BIRC3: variants seen among roughly 807,000 people sequenced by gnomAD.
The protein encoded by BIRC3 is baculoviral IAP repeat containing 3, also known as baculoviral IAP repeat-containing protein 3.
A neutral mutation model predicts 59.0 loss-of-function variants in BIRC3; 26 were observed. The ratio of observed to expected loss-of-function variants is 0.44; its 90% CI spans 0.32 to 0.61. The LOEUF (loss-of-function observed/expected upper bound fraction) is 0.61, where lower values mean the gene tolerates loss of function less well. Ranked by LOEUF, BIRC3 falls within the 20% of genes least tolerant of loss-of-function variation. The pLI is 0.04. For synonymous variants in BIRC3, 243 were observed against 249.2 expected, an observed-to-expected ratio of 0.98 and a Z score of 0.24; for missense variants, 641 against 711.5, an observed-to-expected ratio of 0.90 and a Z score of 1.13.
chr11:102,328,774 G>A (rs983998807), intron 4 of BIRC3, 123 bp from the exon 5 acceptor site: 4 of 297,442 alleles, frequency 1.3e-5, no homozygotes, highest in Non-Finnish European at 2.3e-5. Flanking sequence ...TTGCCAGTAA[G>A]CAAGTGGTTT....
chr11:102,336,057 A>C lies in BIRC3; in HGVS notation c.1416A>C (p.Gly472=), dbSNP rs772003746. 2.0e-5 allele frequency: 33 copies of C among 1,613,866 alleles called. No individual in the cohort carries two copies. The South Asian group carries it at 3.2e-4, about 16-fold the overall frequency. Residue 472 remains glycine, a synonymous_variant, in exon 7 of 9, where the codon GGA becomes GGC. Transcript: ENST00000263464. ...IPILDSLLTA[G]IINEQEHDVI... is the part of the protein sequence containing the mutation. ...TCCTGGATAGTCTACTAACTGCCGG[A>C]ATTATTAATGAACAAGAACATGATG...
chr11:102,326,899 G>C, intron 3 of BIRC3: 1 of 403,676 alleles, frequency 2.5e-6, no homozygotes, highest in South Asian at 1.8e-5. Context: ...GTAGAGACAG[G>C]GTTTCACCAT....
rs1423369621 is a variant in BIRC3, at chr11:102,321,137, T to A, written c.-2673-700T>A. On this transcript the variant is annotated intron_variant, in intron 1 of 8. Coordinates refer to ENST00000263464, the MANE Select transcript of BIRC3 (RefSeq NM_001165.5). The stretch of plus-strand genomic sequence containing the variant: ...CAGATTAATCTACAGCATGGTACAA[T>A]GTGAATTTTCTGGTTTCTTTAATTG... Among the ~76,000 whole-genome samples, 4 of 152,218 alleles carry A rather than the reference T, an allele frequency of 2.6e-5. No individual in the cohort carries two copies. The East Asian group carries it at 7.7e-4, about 29-fold the overall frequency.
chr11:102,336,718 A>C (rs780200735), intron 7 of BIRC3, 42 bp from the exon 8 acceptor site: 2 of 1,557,824 alleles, frequency 1.3e-6, no homozygotes, highest in Non-Finnish European at 1.8e-6. Flanking sequence ...CTAAATATTA[A>C]CCTTATTTGT....
intron 3 of BIRC3, chr11:102,326,904 C>T: frequency 5.0e-6 from 2 of 400,268 alleles, no homozygotes; most frequent in South Asian, 1.8e-5. Context: ...GACAGGGTTT[C>T]ACCATGTTGT....
chr11:102,325,115 A>G lies in BIRC3; in HGVS notation c.606A>G (p.Arg202=). The change falls in exon 2 of 9, where the codon AGA becomes AGG. Residue 202 remains arginine (R), a synonymous_variant. Transcript: ENST00000263464. The part of the protein sequence containing the change: ...AGFYYIGPGD[R]VACFACGGKL... ...TTTACTACATAGGACCTGGAGACAG[A>G]GTGGCTTGCTTTGCCTGTGGTGGAA... 1 of 1,614,218 alleles carries G rather than the reference A, an allele frequency of 6.2e-7. No homozygotes were observed. Among genetic ancestry groups the G allele is most frequent in the Non-Finnish European group, 8.5e-7 (1 of 1,180,020 alleles).
At chr11:102,327,556 C>G (rs982992577) in intron 3 of BIRC3, among the ~76,000 whole-genome samples, 1 of 152,094 alleles carries the variant, frequency 6.6e-6, no homozygotes, top group Non-Finnish European at 1.5e-5. Context: ...ACCAGAATCA[C>G]TTGAACCTGG....
rs780250677 is a variant in BIRC3 at position 102,336,162 on chromosome 11, C to A, written c.1521C>A (p.Ala507=). The A allele has an allele frequency of 6.2e-7, 1 of 1,613,738 alleles. No individual in the cohort carries two copies. Among genetic ancestry groups the A allele is most frequent in the East Asian group, 2.2e-5 (1 of 44,842 alleles). Residue 507 remains alanine, a synonymous_variant, in exon 7 of 9, where the codon GCC becomes GCA. Coordinates refer to ENST00000263464, the MANE Select transcript of BIRC3 (RefSeq NM_001165.5). The part of the protein sequence containing the change: ...DTILVKGNIA[A]TVFRNSLQEA... ...TTTTAGTAAAAGGAAATATTGCAGC[C>A]ACTGTATTCAGAAACTCTCTGCAAG...
At chr11:102,328,360 A>G (rs1214779741) in intron 4 of BIRC3, among the ~76,000 whole-genome samples, 2 of 152,242 alleles carry the variant, frequency 1.3e-5, no homozygotes, top group Admixed American at 6.5e-5. Context: ...ACAAGTTGCA[A>G]TAAATCAAAC....
intron 6 of BIRC3, among the ~76,000 whole-genome samples, chr11:102,334,892 C>T (rs111474852): frequency 1.2e-3 from 188 of 152,102 alleles, no homozygotes; most frequent in African/African-American, 4.3e-3. Flanking sequence ...TAGGTAATGG[C>T]AATATGTCTA....
chr11:102,326,111 T>A (rs1488758012), intron 3 of BIRC3, among the ~76,000 whole-genome samples: 1 of 152,222 alleles, frequency 6.6e-6, no homozygotes, highest in African/African-American at 2.4e-5. Flanking sequence ...TGATCACCTA[T>A]TGGCAGGCAT....
At chr11:102,327,984 TTA>T (rs1298712486) in intron 3 of BIRC3, 66 bp from the exon 4 acceptor site, 7 of 1,282,384 alleles carry the variant, frequency 5.5e-6, no homozygotes, top group South Asian at 2.6e-5. Flanking sequence ...GATGAGAAAT[TTA>T]TGTTATTACA....
At chr11:102,325,894 G>A (rs1265614943) in intron 3 of BIRC3, among the ~76,000 whole-genome samples, 3 of 152,062 alleles carry the variant, frequency 2.0e-5, no homozygotes, top group Non-Finnish European at 4.4e-5. Context: ...GCCTAAGGAT[G>A]AGCATGGTTA....
chr11:102,328,890 TC>T lies in BIRC3; in HGVS notation c.1033-6del. ...TATATATATATATATATTTTTTTTT[TC>T]TGCAGCTGCTATCCACATCAGACAG... On this transcript the variant is annotated splice_region_variant and splice_polypyrimidine_tract_variant and intron_variant, in intron 4 of 8. Transcript: ENST00000263464. 1 of 1,247,826 alleles carries T rather than the reference TC, an allele frequency of 8.0e-7. No homozygotes were observed. 77.3% of individuals were successfully genotyped at this position (1,247,826 alleles called of 1,614,324 possible). A position where few individuals can be genotyped will look rare whatever the true frequency, so the allele number is the denominator to read the frequency against.
Position 102,322,397 on chromosome 11 carries a change from G to T in BIRC3, c.-2113G>T, listed in dbSNP as rs1951039370. The T allele has an allele frequency of 4.8e-6, 1 of 206,678 alleles. No individual in the cohort carries two copies. Among genetic ancestry groups the T allele is most frequent in the Non-Finnish European group, 9.9e-6 (1 of 101,276 alleles). 12.8% of individuals were successfully genotyped at this position (206,678 alleles called of 1,614,324 possible). Reference sequence around the variant, plus strand: ...GAGGAAGTAAAAAGATAAATGTGATGATTGGTCAAGAAATTATCCAGTTAT... The same window carrying T: ...GAGGAAGTAAAAAGATAAATGTGATTATTGGTCAAGAAATTATCCAGTTAT... On this transcript the variant is annotated 5_prime_UTR_variant, in exon 2 of 9. An upstream start codon of the reference 5' UTR is lost. Transcript: ENST00000263464.
rs17881271 is a variant in BIRC3 at position 102,335,874 on chromosome 11, A to AGAT, written c.1325-91_1325-89dup. ...CAATGCCTTACTGATTACGAATTAA[A>AGAT]GATAGTTTTTATCCTGCTATATATA... On this transcript the variant is annotated intron_variant, in intron 6 of 8. Coordinates refer to ENST00000263464, the MANE Select transcript of BIRC3 (RefSeq NM_001165.5). The AGAT allele has an allele frequency of 4.4e-3, 5,870 of 1,320,702 alleles. 188 individuals carry two copies. The African/African-American group carries it at 0.075, about 17-fold the overall frequency. The allele number at this position is 1,320,702 out of a possible 1,614,324, so 81.8% of individuals were successfully genotyped here. A position where few individuals can be genotyped will look rare whatever the true frequency, so the allele number is the denominator to read the frequency against.
chr11:102,317,871 C>T (rs1950986739), intron 1 of BIRC3, among the ~76,000 whole-genome samples: 2 of 152,214 alleles, frequency 1.3e-5, no homozygotes, highest in African/African-American at 4.8e-5. Context: ...CAAGAGTTAT[C>T]ACTGGGCCTT....
chr11:102,338,527 C>G lies in BIRC3; in HGVS notation c.*1425C>G. 1 of 229,370 alleles carries G rather than the reference C, an allele frequency of 4.4e-6. No individual in the cohort carries two copies. The allele number at this position is 229,370 out of a possible 1,614,324, so 14.2% of individuals were successfully genotyped here. Reference sequence around the variant, plus strand: ...TAGGTTTGATAATGAATGGACAGCCCTGAAGAATAGTGATTGGAAAAAAAG... The same window carrying G: ...TAGGTTTGATAATGAATGGACAGCCGTGAAGAATAGTGATTGGAAAAAAAG... On this transcript the variant is annotated 3_prime_UTR_variant, in exon 9 of 9. Transcript: ENST00000263464.
chr11:102,326,114 G>T (rs1199022959), intron 3 of BIRC3, among the ~76,000 whole-genome samples: 4 of 152,022 alleles, frequency 2.6e-5, no homozygotes, highest in Non-Finnish European at 2.9e-5. Context: ...TCACCTATTG[G>T]CAGGCATTGT....
Sources: gnomAD v4.1 joint callset for allele counts (sites outside exome capture counted in the v4.1 genomes callset) on GRCh38, gnomAD v4.1.1 for gene constraint, MANE v1.5 for transcripts, NCBI Gene and HGNC (gene_info 2026-07-23, HGNC 2026-07-21) for gene names.